Variants in FAM107B observed in about 807,000 individuals in gnomAD.
FAM107B encodes family with sequence similarity 107 member B.
A neutral mutation model predicts 31.5 loss-of-function variants in FAM107B; 21 were observed. The ratio of observed to expected loss-of-function variants is 0.67; its 90% CI spans 0.47 to 0.96. The LOEUF (loss-of-function observed/expected upper bound fraction) is 0.96, where lower values mean the gene tolerates loss of function less well. Ranked by LOEUF, FAM107B falls within the 40% of genes least tolerant of loss-of-function variation. FAM107B has a pLI of 0.00. For missense variants in FAM107B, 452 were observed against 377.1 expected (o/e 1.20, Z -1.64); for synonymous variants, 157 against 141.5 (o/e 1.11, Z -0.78).
At chr10:14,696,077 T>C (rs1486039157) in intron 1 of FAM107B, among the ~76,000 whole-genome samples, 2 of 152,242 alleles carry the variant, frequency 1.3e-5, no homozygotes, top group African/African-American at 4.8e-5. Context: ...GAAAAACCTT[T>C]CAGTTGTTCC....
chr10:14,640,713 AC>A (rs1365590365), intron 2 of FAM107B, among the ~76,000 whole-genome samples: 1 of 152,164 alleles, frequency 6.6e-6, no homozygotes, highest in Non-Finnish European at 1.5e-5. Context: ...GTGCACCTCA[AC>A]CCCTTAATTT....
chr10:14,673,994 T>C (rs1854619409), intron 1 of FAM107B, among the ~76,000 whole-genome samples: 1 of 152,158 alleles, frequency 6.6e-6, no homozygotes, highest in Admixed American at 6.5e-5. Flanking sequence ...GTTTTGTTTG[T>C]TTGCTGTTGA....
intron 1 of FAM107B, among the ~76,000 whole-genome samples, chr10:14,737,786 C>CTT (rs1394069349): frequency 1.3e-5 from 2 of 151,180 alleles, no homozygotes; most frequent in East Asian, 2.0e-4. Flanking sequence ...CTCTCTCTCT[C>CTT]TCTCTCTCTC....
intron 1 of FAM107B, among the ~76,000 whole-genome samples, chr10:14,718,664 G>C (rs1225561223): frequency 1.3e-5 from 2 of 152,312 alleles, no homozygotes; most frequent in East Asian, 3.9e-4. Flanking sequence ...CCATCTTCCA[G>C]ATGAGGCTGA....
At chr10:14,636,335 G>C (rs959876300) in intron 2 of FAM107B, among the ~76,000 whole-genome samples, 1 of 150,960 alleles carries the variant, frequency 6.6e-6, no homozygotes, top group Non-Finnish European at 1.5e-5. Context: ...GTGAGAGAGA[G>C]AGAGAGAGAA....
At chr10:14,645,090 A>C (rs894055727) in intron 2 of FAM107B, among the ~76,000 whole-genome samples, 5 of 152,214 alleles carry the variant, frequency 3.3e-5, no homozygotes, top group Non-Finnish European at 7.3e-5. Context: ...ATTTGATTCA[A>C]AATGGAAAAT....
At chr10:14,733,823 G>A (rs1030496925) in intron 1 of FAM107B, among the ~76,000 whole-genome samples, 6 of 152,126 alleles carry the variant, frequency 3.9e-5, no homozygotes, top group African/African-American at 1.4e-4. Context: ...CTTCTTCTCA[G>A]CAAACCACAC....
chr10:14,615,862 C>T (rs1852837110), intron 2 of FAM107B, among the ~76,000 whole-genome samples: 1 of 152,114 alleles, frequency 6.6e-6, no homozygotes. Flanking sequence ...TGAAGGCAGG[C>T]AGGAATCAAT....
chr10:14,631,852 A>G (rs1165489648), intron 2 of FAM107B, among the ~76,000 whole-genome samples: 4 of 152,164 alleles, frequency 2.6e-5, no homozygotes, highest in African/African-American at 9.7e-5. Flanking sequence ...TCTGTCACCA[A>G]ATGATTAAGC....
At chr10:14,624,901 T>C (rs1185998022) in intron 2 of FAM107B, among the ~76,000 whole-genome samples, 1 of 152,128 alleles carries the variant, frequency 6.6e-6, no homozygotes, top group Non-Finnish European at 1.5e-5. Context: ...TCCACTGATC[T>C]AGGTGGATGA....
intron 1 of FAM107B, 69 bp from the exon 2 acceptor site, chr10:14,667,760 C>A: frequency 6.6e-7 from 1 of 1,520,532 alleles, no homozygotes; most frequent in South Asian, 1.1e-5. Flanking sequence ...TAAGGCAATA[C>A]TTTTTGCAAG....
intron 2 of FAM107B, among the ~76,000 whole-genome samples, chr10:14,648,001 GAA>G (rs546564001): frequency 7.5e-6 from 1 of 132,708 alleles, no homozygotes. Flanking sequence ...ATTTTTAGCG[GAA>G]AAAAAAAAAG....
At chr10:14,734,670 C>T (rs1035238223) in intron 1 of FAM107B, among the ~76,000 whole-genome samples, 1 of 152,070 alleles carries the variant, frequency 6.6e-6, no homozygotes, top group African/African-American at 2.4e-5. Context: ...GGCACACCTC[C>T]ATTGCTCAAG....
chr10:14,661,235 A>G (rs2131464710), intron 2 of FAM107B, among the ~76,000 whole-genome samples: 1 of 152,296 alleles, frequency 6.6e-6, no homozygotes, highest in South Asian at 2.1e-4. Flanking sequence ...GCAAGAACGG[A>G]CTAATTTACC....
chr10:14,742,029 T>C (rs1345420337), intron 1 of FAM107B, among the ~76,000 whole-genome samples: 1 of 152,126 alleles, frequency 6.6e-6, no homozygotes, highest in Non-Finnish European at 1.5e-5. Context: ...CCTAACTTTC[T>C]GAATAAATTT....
intron 1 of FAM107B, among the ~76,000 whole-genome samples, chr10:14,740,230 T>TAAAC (rs1314573060): frequency 4.6e-5 from 7 of 152,242 alleles, no homozygotes; most frequent in African/African-American, 1.4e-4. Context: ...GGTGAATGAA[T>TAAAC]AAACACACAT....
intron 2 of FAM107B, chr10:14,604,320 C>T (rs1346791692): frequency 4.2e-6 from 4 of 951,328 alleles, no homozygotes; most frequent in Middle Eastern, 5.4e-4. Flanking sequence ...CCCGACTGCT[C>T]GGCGGCGGCC....
chr10:14,755,359 T>C (rs1327007325), intron 1 of FAM107B, among the ~76,000 whole-genome samples: 1 of 151,966 alleles, frequency 6.6e-6, no homozygotes, highest in African/African-American at 2.4e-5. Context: ...CTGGCCAACA[T>C]GGTGAAACCC....
intron 2 of FAM107B, among the ~76,000 whole-genome samples, chr10:14,653,288 T>G (rs1348740129): frequency 6.6e-6 from 1 of 152,182 alleles, no homozygotes; most frequent in Non-Finnish European, 1.5e-5. Flanking sequence ...TTTATCAGTT[T>G]CTCCTTGGAG....
Sources: gnomAD v4.1 joint callset for allele counts (sites outside exome capture counted in the v4.1 genomes callset) on GRCh38, gnomAD v4.1.1 for gene constraint, MANE v1.5 for transcripts, NCBI Gene and HGNC (gene_info 2026-07-23, HGNC 2026-07-21) for gene names.